Variants in POTEE observed in about 807,000 individuals in gnomAD.
The protein encoded by POTEE is POTE ankyrin domain family member E.
Under a neutral mutation model 74.2 loss-of-function variants are expected in POTEE, and 21 were observed. The ratio of observed to expected loss-of-function variants is 0.28; its 90% CI spans 0.20 to 0.41. The LOEUF is 0.41. Among genes scored for constraint, POTEE ranks in the 10% least tolerant of loss-of-function variants. POTEE has a pLI of 1.00. For missense variants in POTEE, 525 were observed against 1,158.6 expected, an observed-to-expected ratio of 0.45 and a Z score of 7.94; for synonymous variants, 211 against 432.8, an observed-to-expected ratio of 0.49 and a Z score of 6.36.
At chr2:131,223,304 G>A (rs1277531528) in intron 4 of POTEE, among the ~76,000 whole-genome samples, 1 of 141,456 alleles carries the variant, frequency 7.1e-6, no homozygotes, top group African/African-American at 2.8e-5. Context: ...AGGAAACTGA[G>A]ACCCCAAAAG....
chr2:131,223,540 G>C, intron 4 of POTEE, 56 bp from the exon 5 acceptor site: 1 of 1,608,982 alleles, frequency 6.2e-7, no homozygotes, highest in Non-Finnish European at 8.5e-7. Flanking sequence ...ATGAATCATT[G>C]CTATGGCTGT....
chr2:131,223,525 G>A (rs1573703928), intron 4 of POTEE, 71 bp from the exon 5 acceptor site: 2 of 1,582,790 alleles, frequency 1.3e-6, no homozygotes, highest in Non-Finnish European at 1.7e-6. Flanking sequence ...AGTGTTTGCA[G>A]TTACATGAAT....
intron 9 of POTEE, among the ~76,000 whole-genome samples, chr2:131,232,782 G>A (rs918834875): frequency 9.2e-5 from 14 of 151,692 alleles, no homozygotes; most frequent in Non-Finnish European, 1.6e-4. Context: ...TTTTATTCAC[G>A]TCTCCCTTCA....
chr2:131,232,866 CAT>C (rs1157393832), intron 9 of POTEE, among the ~76,000 whole-genome samples: 2 of 151,914 alleles, frequency 1.3e-5, no homozygotes, highest in African/African-American at 2.4e-5. Context: ...CTTTTCTTCA[CAT>C]GTGTCTTTTA....
chr2:131,232,713 T>C (rs1424895826), intron 9 of POTEE, among the ~76,000 whole-genome samples: 1 of 151,052 alleles, frequency 6.6e-6, no homozygotes, highest in African/African-American at 2.5e-5. Context: ...GTTGTTTTGG[T>C]TGTTCATTGA....
chr2:131,225,106 G>A (rs1034316309), intron 6 of POTEE, among the ~76,000 whole-genome samples: 19 of 152,174 alleles, frequency 1.2e-4, no homozygotes, highest in African/African-American at 4.1e-4. Flanking sequence ...TGAGACTGAA[G>A]TAATTGTCTG....
chr2:131,228,892 T>G (rs1325223301), intron 8 of POTEE, among the ~76,000 whole-genome samples: 1 of 144,944 alleles, frequency 6.9e-6, no homozygotes, highest in East Asian at 1.9e-4. Flanking sequence ...TTGATTTTGT[T>G]GCTGCTTTGT....
At chr2:131,216,548 C>A (rs1700445851) in intron 2 of POTEE, among the ~76,000 whole-genome samples, 1 of 151,650 alleles carries the variant, frequency 6.6e-6, no homozygotes, top group Non-Finnish European at 1.5e-5. Context: ...TACAGAATTA[C>A]CACATGACTC....
At chr2:131,212,946 T>C (rs1700387074) in intron 2 of POTEE, among the ~76,000 whole-genome samples, 1 of 149,102 alleles carries the variant, frequency 6.7e-6, no homozygotes, top group Non-Finnish European at 1.5e-5. Context: ...AAAAAGGAAG[T>C]CGGGAGAATT....
At chr2:131,210,185 G>A (rs1700327917) in intron 1 of POTEE, among the ~76,000 whole-genome samples, 1 of 135,626 alleles carries the variant, frequency 7.4e-6, no homozygotes, top group African/African-American at 2.8e-5. Flanking sequence ...GTGCTGCACT[G>A]CCCTTACTCA....
Position 131,219,505 on chromosome 2 carries a change from C to T in POTEE, c.521+582C>T, listed in dbSNP as rs560636142. Among the ~76,000 whole-genome samples the T allele has an allele frequency of 1.3e-4, 20 of 152,078 alleles. 1 individual carries two copies. The East Asian group carries it at 3.1e-3, about 24-fold the overall frequency. On this transcript the variant is annotated intron_variant, in intron 4 of 17. Coordinates refer to ENST00000683005, the MANE Select transcript of POTEE (RefSeq NM_001083538.3). Reference sequence around the variant, plus strand: ...CCTGTAATCCCAGCACTTTGGGAGGCGGGCGGATCACGAGGTCAGGAGATC... The same window carrying T: ...CCTGTAATCCCAGCACTTTGGGAGGTGGGCGGATCACGAGGTCAGGAGATC...
intron 9 of POTEE, among the ~76,000 whole-genome samples, chr2:131,234,240 A>G (rs1297317236): frequency 2.0e-5 from 3 of 151,868 alleles, no homozygotes; most frequent in Non-Finnish European, 4.4e-5. Flanking sequence ...CACAGCTGCC[A>G]GAAAAGAGCG....
chr2:131,258,482 A>G (rs1313702695), intron 16 of POTEE, among the ~76,000 whole-genome samples: 5 of 141,444 alleles, frequency 3.5e-5, no homozygotes, highest in Non-Finnish European at 7.8e-5. Context: ...TTGTCAGTTC[A>G]TGTATGTATG....
intron 8 of POTEE, among the ~76,000 whole-genome samples, 189 bp from the exon 9 acceptor site, chr2:131,230,647 A>G (rs1248651521): frequency 6.6e-6 from 1 of 151,962 alleles, no homozygotes; most frequent in Non-Finnish European, 1.5e-5. Flanking sequence ...TTCACCTTAC[A>G]TTTTTTTCTT....
intron 4 of POTEE, among the ~76,000 whole-genome samples, chr2:131,222,665 T>C (rs976155528): frequency 2.6e-5 from 4 of 152,220 alleles, no homozygotes; most frequent in African/African-American, 4.8e-5. Context: ...ATTGGAAATA[T>C]CTGATGTAGA....
At chr2:131,258,463 T>G (rs1203560058) in intron 16 of POTEE, among the ~76,000 whole-genome samples, 4 of 129,536 alleles carry the variant, frequency 3.1e-5, no homozygotes, top group African/African-American at 1.1e-4. Flanking sequence ...GTAGGAGATT[T>G]TAGTCTCTTT....
chr2:131,211,550 T>G (rs1282106056), intron 2 of POTEE, among the ~76,000 whole-genome samples: 9 of 21,446 alleles, frequency 4.2e-4, no homozygotes, highest in Admixed American at 1.4e-3. Context: ...GGCTTTTTTT[T>G]TTTTTTTTTT....
intron 4 of POTEE, among the ~76,000 whole-genome samples, chr2:131,219,825 TAC>T (rs1700560046): frequency 6.6e-6 from 1 of 152,148 alleles, no homozygotes; most frequent in Non-Finnish European, 1.5e-5. Context: ...GTTTTTAAAT[TAC>T]ACATGCTGTC....
At chr2:131,216,197 A>G (rs558617147) in intron 2 of POTEE, among the ~76,000 whole-genome samples, 4 of 151,800 alleles carry the variant, frequency 2.6e-5, no homozygotes, top group African/African-American at 9.7e-5. Flanking sequence ...ATTGAAAGTG[A>G]CAAATAGAAA....
Sources: allele counts gnomAD v4.1 joint callset (sites outside exome capture counted in the v4.1 genomes callset), GRCh38; gene constraint gnomAD v4.1.1; transcripts MANE v1.5; gene names NCBI Gene and HGNC (gene_info 2026-07-23, HGNC 2026-07-21).